CNTNAP5: variants seen among roughly 807,000 people sequenced by gnomAD.
The protein encoded by CNTNAP5 is contactin associated protein family member 5.
Under a neutral mutation model 150.2 loss-of-function variants are expected in CNTNAP5, and 72 were observed. The observed-to-expected ratio is 0.48, with a 90% CI of 0.40 to 0.58. The LOEUF (loss-of-function observed/expected upper bound fraction) is 0.58, where lower values mean the gene tolerates loss of function less well. Ranked by LOEUF, CNTNAP5 falls within the 20% of genes least tolerant of loss-of-function variation. The pLI is 0.00. For synonymous variants in CNTNAP5, 672 were observed against 619.8 expected, an observed-to-expected ratio of 1.08 and a Z score of -1.25; for missense variants, 1,636 against 1,626.2, an observed-to-expected ratio of 1.01 and a Z score of -0.10.
At chr2:124,434,321 G>A (rs888712998) in intron 4 of CNTNAP5, among the ~76,000 whole-genome samples, 163 bp from the exon 5 acceptor site, 1 of 152,190 alleles carries the variant, frequency 6.6e-6, no homozygotes, top group African/African-American at 2.4e-5. Flanking sequence ...ATTCCCTTGA[G>A]TCTAATTAGG....
At chr2:124,259,186 C>T (rs2104598752) in intron 3 of CNTNAP5, among the ~76,000 whole-genome samples, 1 of 152,246 alleles carries the variant, frequency 6.6e-6, no homozygotes. Context: ...AGGACATGAA[C>T]TCATCCTTTT....
At chr2:124,577,957 C>T (rs1355735099) in intron 11 of CNTNAP5, among the ~76,000 whole-genome samples, 2 of 151,898 alleles carry the variant, frequency 1.3e-5, no homozygotes, top group African/African-American at 2.4e-5. Flanking sequence ...GTTCAGAGAA[C>T]AGAACCAGTG....
At chr2:124,150,545 G>A (rs1194277272) in intron 1 of CNTNAP5, among the ~76,000 whole-genome samples, 3 of 152,296 alleles carry the variant, frequency 2.0e-5, no homozygotes, top group African/African-American at 7.2e-5. Context: ...TCTGGAGGCT[G>A]GAAGTCCATG....
At chr2:124,561,634 C>T (rs2104929168) in intron 10 of CNTNAP5, among the ~76,000 whole-genome samples, 1 of 152,230 alleles carries the variant, frequency 6.6e-6, no homozygotes, top group South Asian at 2.1e-4. Context: ...TCGTTGAATA[C>T]CATAAAGTTA....
intron 3 of CNTNAP5, among the ~76,000 whole-genome samples, chr2:124,351,892 T>C (rs970438141): frequency 2.0e-5 from 3 of 152,166 alleles, no homozygotes; most frequent in Admixed American, 6.5e-5. Flanking sequence ...CACTAAGAGC[T>C]GGTAGTTACA....
intron 6 of CNTNAP5, among the ~76,000 whole-genome samples, chr2:124,447,837 T>C (rs1692860043): frequency 6.6e-6 from 1 of 152,146 alleles, no homozygotes; most frequent in South Asian, 2.1e-4. Flanking sequence ...TCAAAAAATG[T>C]CAAACAGTCC....
chr2:124,901,975 G>C (rs1264552685), intron 21 of CNTNAP5, among the ~76,000 whole-genome samples: 1 of 152,104 alleles, frequency 6.6e-6, no homozygotes, highest in Non-Finnish European at 1.5e-5. Context: ...TATGCCAGTA[G>C]ATGAGAGAGT....
At chr2:124,499,083 C>T (rs561905281) in intron 7 of CNTNAP5, among the ~76,000 whole-genome samples, 1 of 152,210 alleles carries the variant, frequency 6.6e-6, no homozygotes, top group South Asian at 2.1e-4. Context: ...CTCATGTGGT[C>T]TTAAATCATC....
At chr2:124,640,860 C>T (rs1384092653) in intron 12 of CNTNAP5, among the ~76,000 whole-genome samples, 1 of 151,992 alleles carries the variant, frequency 6.6e-6, no homozygotes, top group Non-Finnish European at 1.5e-5. Flanking sequence ...GGCCCGGTGG[C>T]TCACGCTTGT....
At chr2:124,182,365 T>G (rs1685229558) in intron 1 of CNTNAP5, among the ~76,000 whole-genome samples, 1 of 152,152 alleles carries the variant, frequency 6.6e-6, no homozygotes, top group South Asian at 2.1e-4. Flanking sequence ...AACAGTTATC[T>G]CAATGAATTA....
At chr2:124,804,204 C>G (rs1479562241) in intron 19 of CNTNAP5, among the ~76,000 whole-genome samples, 1 of 152,172 alleles carries the variant, frequency 6.6e-6, no homozygotes, top group African/African-American at 2.4e-5. Flanking sequence ...ACTGTGACCT[C>G]TAGAGGGCGA....
At chr2:124,238,655 G>C (rs1297880815) in intron 2 of CNTNAP5, among the ~76,000 whole-genome samples, 1 of 152,134 alleles carries the variant, frequency 6.6e-6, no homozygotes, top group Non-Finnish European at 1.5e-5. Flanking sequence ...AATAGCCATT[G>C]ATACATCAGC....
chr2:124,910,845 C>T (rs949134624), intron 22 of CNTNAP5, among the ~76,000 whole-genome samples: 1 of 151,956 alleles, frequency 6.6e-6, no homozygotes, highest in Non-Finnish European at 1.5e-5. Context: ...ATAGGTATTA[C>T]TACTCTCCTT....
intron 21 of CNTNAP5, among the ~76,000 whole-genome samples, chr2:124,888,129 G>A (rs755338630): frequency 2.0e-5 from 3 of 152,050 alleles, no homozygotes; most frequent in Non-Finnish European, 2.9e-5. Flanking sequence ...ATAGTCCTCA[G>A]TGTCTATTGT....
chr2:124,100,545 C>T (rs1683039868), intron 1 of CNTNAP5, among the ~76,000 whole-genome samples: 1 of 152,116 alleles, frequency 6.6e-6, no homozygotes, highest in African/African-American at 2.4e-5. Context: ...TCTGTATTCT[C>T]TATCACACTA....
intron 13 of CNTNAP5, among the ~76,000 whole-genome samples, chr2:124,683,298 A>T (rs1345989516): frequency 3.3e-5 from 5 of 152,300 alleles, no homozygotes; most frequent in Middle Eastern, 6.8e-3. Context: ...TTCATGACTT[A>T]TTTGGCATTA....
chr2:124,694,994 TTGTGTGTGTGTGTGTG>T (rs138349590), intron 13 of CNTNAP5, among the ~76,000 whole-genome samples: 6 of 150,204 alleles, frequency 4.0e-5, no homozygotes, highest in Non-Finnish European at 3.0e-5. Context: ...ATTTCCTAAA[TTGTGTGTGTGTGTGTG>T]TGTGTGTGTG....
chr2:124,086,317 C>T (rs1448732522), intron 1 of CNTNAP5, among the ~76,000 whole-genome samples: 1 of 151,222 alleles, frequency 6.6e-6, no homozygotes, highest in Non-Finnish European at 1.5e-5. Flanking sequence ...CATTCTCCTG[C>T]CTCAGCCTCC....
chr2:124,507,383 A>G (rs768402526), intron 8 of CNTNAP5, among the ~76,000 whole-genome samples: 1 of 152,060 alleles, frequency 6.6e-6, no homozygotes, highest in Non-Finnish European at 1.5e-5. Context: ...AGCTGAGCCC[A>G]GGGAGGCCGA....
Sources: gnomAD v4.1 joint callset for allele counts (sites outside exome capture counted in the v4.1 genomes callset) on GRCh38, gnomAD v4.1.1 for gene constraint, MANE v1.5 for transcripts, NCBI Gene and HGNC (gene_info 2026-07-23, HGNC 2026-07-21) for gene names.